KANSL1: variants seen among roughly 807,000 people sequenced by gnomAD.
The protein encoded by KANSL1 is MLL1/MLL complex subunit KANSL1.
KANSL1 carries 22 observed loss-of-function variants against 103.6 expected under a neutral mutation model. The observed-to-expected ratio is 0.21, with a 90% CI of 0.15 to 0.30. The LOEUF is 0.30. KANSL1 is among the 10% of genes least tolerant of loss of function. The pLI is 1.00. For missense variants in KANSL1, 1,337 were observed against 1,399.8 expected (o/e 0.96, Z 0.72); for synonymous variants, 600 against 527.6 (o/e 1.14, Z -1.88).
chr17:46,031,571 C>T lies in KANSL1; in HGVS notation c.3223G>A (p.Glu1075Lys). 1 of 1,614,144 alleles carries T rather than the reference C, an allele frequency of 6.2e-7. No homozygotes were observed. The highest frequency in any genetic ancestry group is 8.5e-7 in the Non-Finnish European group (1 of 1,180,024). The change falls in exon 15 of 15, where the codon GAG becomes AAG. Residue 1075 changes from glutamate (E) to lysine (K), a missense_variant. Coordinates refer to ENST00000432791, the MANE Select transcript of KANSL1 (RefSeq NM_015443.4). ...GGCGAGGTGGGCGCTGCCTCTGTCTCCCGGCCAGTCTTGCTGCCTGAGGTG... is the reference window on the plus strand; with the variant it reads ...GGCGAGGTGGGCGCTGCCTCTGTCTTCCGGCCAGTCTTGCTGCCTGAGGTG... ...RRTSGSKTGR[E>K]TEAAPTSPPI...
intron 2 of KANSL1, among the ~76,000 whole-genome samples, chr17:46,099,628 G>A (rs2042227751): frequency 6.6e-6 from 1 of 152,214 alleles, no homozygotes; most frequent in Non-Finnish European, 1.5e-5. Context: ...ACACTGATGA[G>A]TCAACTCATT....
At position 46,031,714 on chromosome 17, in the gene KANSL1, A is replaced by T. The variant is rs754089890; in HGVS notation, c.3091-11T>A. ...CCAGGGCTGGACAGACTGTAGGCAG[A>T]CAAGTTGCTCTTTGAGGACCCAGTC... is the stretch of plus-strand genomic sequence containing the variant. On this transcript the variant is annotated splice_polypyrimidine_tract_variant and intron_variant, in intron 14 of 14. Coordinates refer to ENST00000432791, the MANE Select transcript of KANSL1 (RefSeq NM_015443.4). 5.0e-6 allele frequency: 8 copies of T among 1,586,146 alleles called. No individual in the cohort carries two copies. The South Asian group carries it at 9.0e-5, about 18-fold the overall frequency.
chr17:46,030,217 A>G lies in KANSL1; in HGVS notation c.*1259T>C, dbSNP rs527324885. The G allele has an allele frequency of 6.6e-6, 1 of 152,076 alleles. No homozygotes were observed. The highest frequency in any genetic ancestry group is 2.1e-4 in the South Asian group (1 of 4,812). The allele number at this position is 152,076 out of a possible 1,614,324, so 9.4% of individuals were successfully genotyped here. On this transcript the variant is annotated 3_prime_UTR_variant, in exon 15 of 15. Transcript: ENST00000432791. The stretch of plus-strand genomic sequence containing the variant: ...TATAAATAGAAGAAGCACTTTATGC[A>G]TAGGGATATGGTGCATTATTGTATT...
At chr17:46,189,412 A>C (rs2047201170) in intron 1 of KANSL1, among the ~76,000 whole-genome samples, 1 of 152,148 alleles carries the variant, frequency 6.6e-6, no homozygotes, top group Non-Finnish European at 1.5e-5. Flanking sequence ...TCTAGCAAGA[A>C]AGTCGCTTAT....
At chr17:46,204,637 GACATAGA>G (rs2047905756) in intron 1 of KANSL1, among the ~76,000 whole-genome samples, 1 of 152,176 alleles carries the variant, frequency 6.6e-6, no homozygotes, top group Non-Finnish European at 1.5e-5. Flanking sequence ...GCCAAAACCA[GACATAGA>G]TATCACAAGA....
chr17:46,090,270 T>C (rs201138886), intron 3 of KANSL1, among the ~76,000 whole-genome samples: 1 of 152,350 alleles, frequency 6.6e-6, no homozygotes, highest in East Asian at 1.9e-4. Context: ...CATGGCCCTT[T>C]TGACACCATA....
intron 7 of KANSL1, among the ~76,000 whole-genome samples, chr17:46,047,943 C>T (rs1026129897): frequency 2.5e-4 from 38 of 151,866 alleles, no homozygotes; most frequent in Non-Finnish European, 1.6e-4. Flanking sequence ...GTCTCACTAC[C>T]GTTCCCCAGG....
At chr17:46,140,125 C>T (rs772410967) in intron 2 of KANSL1, among the ~76,000 whole-genome samples, 2 of 152,144 alleles carry the variant, frequency 1.3e-5, no homozygotes, top group Non-Finnish European at 2.9e-5. Context: ...TGCACATATA[C>T]ACATACACAT....
At chr17:46,148,956 C>A (rs771786244) in intron 2 of KANSL1, among the ~76,000 whole-genome samples, 1 of 150,796 alleles carries the variant, frequency 6.6e-6, no homozygotes, top group Non-Finnish European at 1.5e-5. Flanking sequence ...AATCAAGTTA[C>A]CAAATTCAAA....
intron 1 of KANSL1, among the ~76,000 whole-genome samples, chr17:46,181,011 T>C (rs1461563031): frequency 1.3e-5 from 2 of 152,170 alleles, no homozygotes; most frequent in Non-Finnish European, 1.5e-5. Context: ...AAGGCATCTA[T>C]AGATGGCAAA....
At chr17:46,173,581 A>C (rs2046385971) in intron 1 of KANSL1, among the ~76,000 whole-genome samples, 1 of 152,212 alleles carries the variant, frequency 6.6e-6, no homozygotes, top group Non-Finnish European at 1.5e-5. Flanking sequence ...CGTGAAATCA[A>C]AGGTATTTTC....
chr17:46,156,023 G>C (rs2045407776), intron 2 of KANSL1, among the ~76,000 whole-genome samples: 1 of 152,112 alleles, frequency 6.6e-6, no homozygotes, highest in Non-Finnish European at 1.5e-5. Context: ...GTAAATATCA[G>C]AAAAAAACTT....
At chr17:46,110,167 G>A (rs148799935) in intron 2 of KANSL1, among the ~76,000 whole-genome samples, 58 of 152,312 alleles carry the variant, frequency 3.8e-4, no homozygotes, top group African/African-American at 1.3e-3. Flanking sequence ...TCTTTTATGT[G>A]TTTGAATAAG....
At chr17:46,115,340 G>A (rs554527394) in intron 2 of KANSL1, among the ~76,000 whole-genome samples, 9 of 152,290 alleles carry the variant, frequency 5.9e-5, no homozygotes, top group South Asian at 2.1e-4. Context: ...GACTACAGAC[G>A]TGAGCCACCG....
At chr17:46,091,722 C>CA (rs1418843754) in intron 3 of KANSL1, among the ~76,000 whole-genome samples, 9 of 151,216 alleles carry the variant, frequency 6.0e-5, no homozygotes, top group Non-Finnish European at 1.3e-4. Context: ...TGGTTTATAC[C>CA]CTAGGAGCAA....
intron 3 of KANSL1, among the ~76,000 whole-genome samples, chr17:46,088,185 G>A (rs1196220843): frequency 6.6e-6 from 1 of 152,176 alleles, no homozygotes; most frequent in African/African-American, 2.4e-5. Context: ...GTTACATGCA[G>A]CCTTAATACC....
chr17:46,099,952 AC>A (rs1244219502), intron 2 of KANSL1, among the ~76,000 whole-genome samples: 1 of 152,234 alleles, frequency 6.6e-6, no homozygotes, highest in Non-Finnish European at 1.5e-5. Context: ...TGCTTTTGTG[AC>A]ACCACATGAA....
chr17:46,100,446 A>C (rs866179487), intron 2 of KANSL1, among the ~76,000 whole-genome samples: 35 of 136,232 alleles, frequency 2.6e-4, no homozygotes, highest in Admixed American at 7.7e-4. Context: ...CCTCTCCCCA[A>C]AAAAAAAAAA....
At chr17:46,084,563 T>A (rs1382953993) in intron 3 of KANSL1, among the ~76,000 whole-genome samples, 2 of 151,804 alleles carry the variant, frequency 1.3e-5, no homozygotes, top group Non-Finnish European at 1.5e-5. Context: ...GCCCCTGTAA[T>A]CCCAGCTACT....
Sources: gnomAD v4.1 joint callset for allele counts (sites outside exome capture counted in the v4.1 genomes callset) on GRCh38, gnomAD v4.1.1 for gene constraint, MANE v1.5 for transcripts, NCBI Gene and HGNC (gene_info 2026-07-23, HGNC 2026-07-21) for gene names.